The following CCNC variants were observed in gnomAD, a reference collection of about 807,000 sequenced individuals.
CCNC encodes cyclin-C.
A neutral mutation model predicts 50.0 loss-of-function variants in CCNC; 19 were observed. That is an observed-to-expected ratio of 0.38 (90% CI 0.27 to 0.56). CCNC has a LOEUF of 0.56. CCNC is among the 20% of genes least tolerant of loss of function. The pLI is 0.72. For synonymous variants in CCNC, 93 were observed against 103.7 expected, an observed-to-expected ratio of 0.90 and a Z score of 0.63; for missense variants, 200 against 327.1, an observed-to-expected ratio of 0.61 and a Z score of 3.00.
chr6:99,555,427 T>G (rs1802473380), intron 5 of CCNC, among the ~76,000 whole-genome samples: 2 of 103,768 alleles, frequency 1.9e-5, no homozygotes, highest in South Asian at 9.3e-4. Flanking sequence ...CATAAGACAT[T>G]GTGGAACTCT....
At chr6:99,552,147 AT>A (rs914655674) in intron 5 of CCNC, among the ~76,000 whole-genome samples, 9 of 152,086 alleles carry the variant, frequency 5.9e-5, no homozygotes, top group Admixed American at 5.2e-4. Context: ...AAAGAAAAAG[AT>A]CAGGAAAAAA....
intron 5 of CCNC, among the ~76,000 whole-genome samples, chr6:99,555,065 G>C (rs145092897): frequency 1.3e-5 from 2 of 152,230 alleles, no homozygotes; most frequent in African/African-American, 2.4e-5. Flanking sequence ...ATTGATTTAC[G>C]TAATTGTTTA....
intron 1 of CCNC, among the ~76,000 whole-genome samples, chr6:99,565,716 A>G (rs960493702): frequency 3.9e-5 from 6 of 152,020 alleles, no homozygotes; most frequent in Non-Finnish European, 7.4e-5. Context: ...AGTCAAGGAT[A>G]AATGTTGAAT....
At chr6:99,557,795 AAAAAAAAAAAAAAGAAAG>A (rs1426958973) in intron 5 of CCNC, 1 of 103,848 alleles carries the variant, frequency 9.6e-6, no homozygotes, top group Admixed American at 9.8e-5. Context: ...TCTCAAAAAA[AAAAAAAAAAAAAAGAAAG>A]AAAAAAAAAA....
In CCNC at chr6:99,558,504, A is replaced by G. The variant is rs373551667; in HGVS notation, c.339T>C (p.Thr113=). The change falls in exon 5 of 12, where the codon ACT becomes ACC. Residue 113 remains threonine, a synonymous_variant. Coordinates refer to ENST00000520429, the MANE Select transcript of CCNC (RefSeq NM_005190.4). ...VSNTRLIAAA[T]SVLKTRFSYA... ...TATACTTTTTGCACTTACATACAGA[A>G]GTAGCAGCAGCAATCAATCTTGTAT... 3 of 1,611,210 alleles carry G rather than the reference A, an allele frequency of 1.9e-6. No individual in the cohort carries two copies. The highest frequency in any genetic ancestry group is 1.7e-6 in the Non-Finnish European group (2 of 1,178,866).
At chr6:99,546,934 T>C (rs1802094176) in intron 9 of CCNC, among the ~76,000 whole-genome samples, 1 of 152,240 alleles carries the variant, frequency 6.6e-6, no homozygotes, top group African/African-American at 2.4e-5. Flanking sequence ...GCCTTTTTTC[T>C]TCCTTTTCAT....
At chr6:99,551,773 C>T in intron 6 of CCNC, 67 bp downstream of exon 6, 1 of 972,848 alleles carries the variant, frequency 1.0e-6, no homozygotes, top group Non-Finnish European at 1.4e-6. Flanking sequence ...TAAATTTAGT[C>T]TAATATAAAA....
intron 4 of CCNC, among the ~76,000 whole-genome samples, chr6:99,560,544 G>C (rs330863): frequency 0.85 from 129,946 of 152,218 alleles, 56,127 homozygotes; most frequent in East Asian, 0.99. Context: ...TCTAAGAATA[G>C]AACTCTAAGA....
At chr6:99,568,361 C>G (rs1769245181) in intron 1 of CCNC, 135 bp downstream of exon 1, 2 of 826,902 alleles carry the variant, frequency 2.4e-6, no homozygotes, top group African/African-American at 3.4e-5. Context: ...CATCTTGATT[C>G]TGACCGCTGC....
chr6:99,542,718 GAC>G lies in CCNC; in HGVS notation c.*835_*836del, dbSNP rs2128864858. ...TAGTAAATCTGTAAATCCACACCAA[GAC>G]ACAACATTAAACTAGGGTGTGTATA... On this transcript the variant is annotated 3_prime_UTR_variant, in exon 12 of 12. Coordinates refer to ENST00000520429, the MANE Select transcript of CCNC (RefSeq NM_005190.4). 2 of 152,532 alleles carry G rather than the reference GAC, an allele frequency of 1.3e-5. No individual in the cohort carries two copies. The highest frequency in any genetic ancestry group is 4.8e-5 in the African/African-American group (2 of 41,522). The allele number at this position is 152,532 out of a possible 1,614,324, so 9.4% of individuals were successfully genotyped here.
In CCNC at chr6:99,550,974, TCA is replaced by T. The variant is rs1225386243; in HGVS notation, c.438+17_438+18del. ...ATTTAAAAATGTTTTAATCTATTAA[TCA>T]CAGAAGATTTACTTACCATTAGTTC... On this transcript the variant is annotated intron_variant, in intron 7 of 11. Transcript: ENST00000520429. 1 of 1,004,518 alleles carries T rather than the reference TCA, an allele frequency of 1.0e-6. No homozygotes were observed. Among genetic ancestry groups the T allele is most frequent in the Non-Finnish European group, 1.4e-6 (1 of 700,260 alleles). The allele number at this position is 1,004,518 out of a possible 1,614,324, so 62.2% of individuals were successfully genotyped here.
chr6:99,560,870 A>C (rs1802750277), intron 4 of CCNC, among the ~76,000 whole-genome samples: 1 of 152,240 alleles, frequency 6.6e-6, no homozygotes, highest in African/African-American at 2.4e-5. Context: ...ATGGGAGGGA[A>C]GACAGGAGAA....
intron 11 of CCNC, chr6:99,544,011 CTTCA>C: frequency 3.1e-6 from 3 of 967,510 alleles, no homozygotes; most frequent in Non-Finnish European, 3.8e-6. Flanking sequence ...AAGAAGTGTT[CTTCA>C]AAAAAAAAAA....
At chr6:99,567,428 T>TATACATACACACACACACATATATATAC (rs1562496573) in intron 1 of CCNC, among the ~76,000 whole-genome samples, 1 of 151,270 alleles carries the variant, frequency 6.6e-6, no homozygotes. Context: ...CACATATATA[T>TATACATACACACACACACATATATATAC]ACACACACAC....
Position 99,561,771 on chromosome 6 carries a change from A to G in CCNC, c.140-90T>C, listed in dbSNP as rs1802791279. ...AGTAACTTCCATGTGGTTAAATCAT[A>G]ATTATGTTCATTTTTAACAAAGGAA... On this transcript the variant is annotated intron_variant, in intron 2 of 11. Transcript: ENST00000520429. The G allele has an allele frequency of 5.0e-6, 4 of 804,512 alleles. No homozygotes were observed. The South Asian group carries it at 5.2e-5, about 10-fold the overall frequency. The allele number at this position is 804,512 out of a possible 1,614,324, so 49.8% of individuals were successfully genotyped here. A position where few individuals can be genotyped will look rare whatever the true frequency, so the allele number is the denominator to read the frequency against.
Position 99,546,473 on chromosome 6 carries a change from A to G in CCNC, c.600T>C (p.Ala200=). The change falls in exon 10 of 12, where the codon GCT becomes GCC. Residue 200 remains alanine, a splice_region_variant and synonymous_variant. Coordinates refer to ENST00000520429, the MANE Select transcript of CCNC (RefSeq NM_005190.4). ...GTACAACACAGGCTACATGTAGGCA[A>G]GCTGAAATGAAAATGAGAGACAACT... is the stretch of plus-strand genomic sequence containing the variant. ...LLYPPFMIAL[A]CLHVACVVQQ... 6.2e-7 allele frequency: 1 copy of G among 1,607,040 alleles called. No individual in the cohort carries two copies. The highest frequency in any genetic ancestry group is 8.5e-7 in the Non-Finnish European group (1 of 1,173,852).
chr6:99,568,768 G>A (rs1239347118), upstream of CCNC: 3 of 1,315,918 alleles, frequency 2.3e-6, no homozygotes, highest in African/African-American at 4.5e-5. Context: ...GTAGCGGAGG[G>A]AGCCGGAGGG....
chr6:99,544,346 T>A, intron 11 of CCNC: 1 of 1,397,402 alleles, frequency 7.2e-7, no homozygotes, highest in Non-Finnish European at 9.7e-7. Flanking sequence ...AGTATTAACT[T>A]TTTCCAAATT....
chr6:99,546,906 T>A (rs1017826528), intron 9 of CCNC, among the ~76,000 whole-genome samples: 6 of 152,218 alleles, frequency 3.9e-5, no homozygotes, highest in Non-Finnish European at 4.4e-5. Context: ...ACATTTCAGT[T>A]AAAAGCAGTG....
Sources: gnomAD v4.1 joint callset for allele counts (sites outside exome capture counted in the v4.1 genomes callset) on GRCh38, gnomAD v4.1.1 for gene constraint, MANE v1.5 for transcripts, NCBI Gene and HGNC (gene_info 2026-07-23, HGNC 2026-07-21) for gene names.